ARL15: variants seen among roughly 807,000 people sequenced by gnomAD.
The protein encoded by ARL15 is ARF like GTPase 15.
Under a neutral mutation model 25.2 loss-of-function variants are expected in ARL15, and 19 were observed. The observed-to-expected ratio is 0.75, with a 90% CI of 0.53 to 1.10. The LOEUF is 1.10. ARL15 is among the 50% of genes least tolerant of loss of function. The probability of loss-of-function intolerance (pLI) is 0.00; values close to 1 mark genes in which losing one functional copy is unlikely to be tolerated. For synonymous variants in ARL15, 94 were observed against 86.8 expected (o/e 1.08, Z -0.46); for missense variants, 220 against 246.0 (o/e 0.89, Z 0.71).
At chr5:54,004,747 G>A (rs1308871376) in intron 4 of ARL15, among the ~76,000 whole-genome samples, 1 of 151,924 alleles carries the variant, frequency 6.6e-6, no homozygotes, top group African/African-American at 2.4e-5. Context: ...ATTTGTAGGG[G>A]TACGAGCATC....
chr5:53,964,559 A>G (rs561780563), intron 4 of ARL15, among the ~76,000 whole-genome samples: 1 of 152,038 alleles, frequency 6.6e-6, no homozygotes, highest in African/African-American at 2.4e-5. Context: ...ACGGGGCTTC[A>G]CCGTGTTAGC....
intron 1 of ARL15, among the ~76,000 whole-genome samples, chr5:54,191,863 C>A (rs1461374675): frequency 6.6e-6 from 1 of 152,122 alleles, no homozygotes; most frequent in African/African-American, 2.4e-5. Context: ...GATCAAGTCT[C>A]TTTTCCACTC....
At chr5:54,200,647 A>C (rs1014080214) in intron 1 of ARL15, among the ~76,000 whole-genome samples, 1 of 152,176 alleles carries the variant, frequency 6.6e-6, no homozygotes, top group Non-Finnish European at 1.5e-5. Flanking sequence ...GGTTACCTGT[A>C]CTAGGGTTAG....
chr5:54,068,212 T>C (rs1470644839), intron 4 of ARL15, among the ~76,000 whole-genome samples: 1 of 152,040 alleles, frequency 6.6e-6, no homozygotes, highest in Non-Finnish European at 1.5e-5. Context: ...AAAATGAGAG[T>C]GAAGGCAGAG....
At chr5:53,887,333 T>A (rs1159082718) in intron 4 of ARL15, 3 of 699,730 alleles carry the variant, frequency 4.3e-6, no homozygotes, top group Non-Finnish European at 7.8e-6. Flanking sequence ...TAAATTTACA[T>A]ATATGCGTAA....
chr5:53,985,823 A>G (rs891786204), intron 4 of ARL15, among the ~76,000 whole-genome samples: 3 of 152,196 alleles, frequency 2.0e-5, no homozygotes, highest in African/African-American at 7.2e-5. Flanking sequence ...AATACACACA[A>G]AAGTAGAGCA....
chr5:54,151,164 CAGA>C lies in ARL15; in HGVS notation c.253+3413_253+3415del, dbSNP rs1237905298. Among the ~76,000 whole-genome samples, 6 of 152,218 alleles carry C rather than the reference CAGA, an allele frequency of 3.9e-5. No individual in the cohort carries two copies. In the East Asian group the frequency reaches 7.7e-4, roughly 20 times the overall value. On this transcript the variant is annotated intron_variant, in intron 3 of 4. Transcript: ENST00000504924. ...GAGAGAAAAGGGAATAAGGGCAAAA[CAGA>C]AGAAGAAAATTTAGAGCTCCAATTT...
chr5:53,949,087 C>G (rs1483567820), intron 4 of ARL15, among the ~76,000 whole-genome samples: 1 of 152,102 alleles, frequency 6.6e-6, no homozygotes, highest in East Asian at 1.9e-4. Context: ...AAAATAAAAG[C>G]TACATACTGC....
At chr5:53,920,833 G>C (rs1178611795) in intron 4 of ARL15, among the ~76,000 whole-genome samples, 1 of 152,176 alleles carries the variant, frequency 6.6e-6, no homozygotes, top group Non-Finnish European at 1.5e-5. Context: ...GCTGTAGCCA[G>C]GTGACTGAGT....
intron 1 of ARL15, among the ~76,000 whole-genome samples, chr5:54,178,881 G>A (rs539618915): frequency 1.2e-4 from 18 of 152,182 alleles, no homozygotes; most frequent in Non-Finnish European, 2.4e-4. Context: ...AATGTGTTAC[G>A]GGATTTGTCA....
At chr5:54,113,160 C>A (rs1444877372) in intron 4 of ARL15, 42 bp downstream of exon 4, 1 of 1,595,102 alleles carries the variant, frequency 6.3e-7, no homozygotes, top group Non-Finnish European at 8.5e-7. Flanking sequence ...AGCAAAAGTA[C>A]AAGCAAGGAA....
chr5:53,964,497 C>T (rs1177223392), intron 4 of ARL15, among the ~76,000 whole-genome samples: 4 of 152,010 alleles, frequency 2.6e-5, no homozygotes, highest in Non-Finnish European at 4.4e-5. Flanking sequence ...GTAGCTGGGA[C>T]TACAGGCGCC....
At chr5:53,962,599 A>G (rs1747407635) in intron 4 of ARL15, among the ~76,000 whole-genome samples, 1 of 152,162 alleles carries the variant, frequency 6.6e-6, no homozygotes. Context: ...CATCATCTCT[A>G]TGCAAGGATT....
intron 4 of ARL15, among the ~76,000 whole-genome samples, chr5:53,984,621 G>A (rs1279827604): frequency 6.6e-6 from 1 of 151,844 alleles, no homozygotes; most frequent in Non-Finnish European, 1.5e-5. Flanking sequence ...CTTTTTTCAA[G>A]GTCAATGTAT....
chr5:54,281,053 G>C (rs1758049114), intron 1 of ARL15, among the ~76,000 whole-genome samples: 1 of 151,264 alleles, frequency 6.6e-6, no homozygotes, highest in Admixed American at 6.6e-5. Flanking sequence ...CATACAAAAA[G>C]TATATAAAGT....
chr5:54,177,612 T>A (rs1754915332), intron 1 of ARL15, among the ~76,000 whole-genome samples: 2 of 152,344 alleles, frequency 1.3e-5, no homozygotes, highest in Admixed American at 1.3e-4. Context: ...AGCAGAGCAC[T>A]GTACACAATC....
At chr5:54,033,474 C>T (rs552016698) in intron 4 of ARL15, among the ~76,000 whole-genome samples, 1 of 152,038 alleles carries the variant, frequency 6.6e-6, no homozygotes, top group East Asian at 1.9e-4. Flanking sequence ...TCGAGACCAG[C>T]CTGACCAACA....
chr5:54,173,185 GAAAAAAA>G (rs551489130), intron 1 of ARL15, among the ~76,000 whole-genome samples: 2 of 121,042 alleles, frequency 1.7e-5, no homozygotes, highest in Non-Finnish European at 3.4e-5. Flanking sequence ...CTCCATCTCA[GAAAAAAA>G]AAAAAAAGAA....
At chr5:54,033,981 T>G (rs1309667916) in intron 4 of ARL15, among the ~76,000 whole-genome samples, 1 of 151,988 alleles carries the variant, frequency 6.6e-6, no homozygotes. Context: ...GCCCGGCTAA[T>G]TTTTTATATT....
Sources: allele counts gnomAD v4.1 joint callset (sites outside exome capture counted in the v4.1 genomes callset), GRCh38; gene constraint gnomAD v4.1.1; transcripts MANE v1.5; gene names NCBI Gene and HGNC (gene_info 2026-07-23, HGNC 2026-07-21).